Variants in RHOU observed in about 807,000 individuals in gnomAD.
RHOU encodes the protein ras homolog family member U.
RHOU carries 8 observed loss-of-function variants against 12.6 expected under a neutral mutation model. The observed-to-expected ratio is 0.64, with a 90% CI of 0.37 to 1.15. The LOEUF is 1.15. Among genes scored for constraint, RHOU ranks in the 50% most tolerant of loss-of-function variants. The pLI is 0.01. For synonymous variants in RHOU, 161 were observed against 147.4 expected (o/e 1.09, Z -0.67); for missense variants, 258 against 347.0 (o/e 0.74, Z 2.04).
the RHOU span, among the ~76,000 whole-genome samples, chr1:228,712,813 T>TAATAAATAAATA: frequency 7.0e-6 from 1 of 142,506 alleles, no homozygotes; most frequent in African/African-American, 2.6e-5. Flanking sequence ...AGTATAATAA[T>TAATAAATAAATA]AATAAATAAA....
At chr1:228,683,842 A>T in the RHOU span, among the ~76,000 whole-genome samples, 1 of 152,218 alleles carries the variant, frequency 6.6e-6, no homozygotes, top group Non-Finnish European at 1.5e-5. Flanking sequence ...TTTTGAAAAG[A>T]TCCCCGTGTC....
At chr1:228,688,604 C>A in the RHOU span, among the ~76,000 whole-genome samples, 2 of 152,196 alleles carry the variant, frequency 1.3e-5, no homozygotes, top group Admixed American at 6.5e-5. Context: ...AACCTTCCTG[C>A]TGATTTGTGT....
At chr1:228,710,873 A>C in the RHOU span, among the ~76,000 whole-genome samples, 78 of 152,104 alleles carry the variant, frequency 5.1e-4, no homozygotes, top group Admixed American at 1.6e-3. Flanking sequence ...GTCAAATTGT[A>C]CCTGTTTGCA....
chr1:228,660,185 G>T, the RHOU span, among the ~76,000 whole-genome samples: 2 of 151,558 alleles, frequency 1.3e-5, no homozygotes, highest in Non-Finnish European at 2.9e-5. Flanking sequence ...GTAAGAGAGT[G>T]CTAAGAACAA....
At chr1:228,698,563 A>T in the RHOU span, among the ~76,000 whole-genome samples, 2 of 152,370 alleles carry the variant, frequency 1.3e-5, 1 homozygote, top group Admixed American at 1.3e-4. Context: ...AGAAGAATCT[A>T]TTATACAGCC....
At chr1:228,715,022 G>A in the RHOU span, among the ~76,000 whole-genome samples, 4 of 151,884 alleles carry the variant, frequency 2.6e-5, no homozygotes, top group African/African-American at 7.2e-5. Context: ...GATTACAGGC[G>A]TGAGCCACCG....
At chr1:228,662,029 A>T in the RHOU span, among the ~76,000 whole-genome samples, 1 of 152,250 alleles carries the variant, frequency 6.6e-6, no homozygotes, top group Admixed American at 6.5e-5. Flanking sequence ...GTATATGAAC[A>T]GACACTTCTC....
chr1:228,732,469 A>AAGGCATTCTGTAAAGGGGTAAAGTGGT (rs1571886129), upstream of RHOU, among the ~76,000 whole-genome samples: 1 of 152,280 alleles, frequency 6.6e-6, no homozygotes, highest in East Asian at 1.9e-4. Flanking sequence ...GGGTAAAGTA[A>AAGGCATTCTGTAAAGGGGTAAAGTGGT]AGGCATTCTG....
At chr1:228,682,049 G>C in the RHOU span, among the ~76,000 whole-genome samples, 1 of 152,212 alleles carries the variant, frequency 6.6e-6, no homozygotes, top group African/African-American at 2.4e-5. Context: ...CCAAGGGTAG[G>C]CTGTCTTCCT....
At chr1:228,650,483 T>C in the RHOU span, 1 of 456,540 alleles carries the variant, frequency 2.2e-6, no homozygotes, top group Non-Finnish European at 4.4e-6. Flanking sequence ...GGCAGCATCC[T>C]GGTGGCCGTG....
chr1:228,660,354 TAAA>T, the RHOU span, among the ~76,000 whole-genome samples: 1 of 114,634 alleles, frequency 8.7e-6, no homozygotes, highest in African/African-American at 3.1e-5. Flanking sequence ...CCGAAAAAAA[TAAA>T]AAAAAAAAAA....
At chr1:228,713,268 G>A in the RHOU span, among the ~76,000 whole-genome samples, 156 of 152,252 alleles carry the variant, frequency 1.0e-3, no homozygotes, top group African/African-American at 3.4e-3. Context: ...AGATGCTGAA[G>A]GTTGAGTTGA....
chr1:228,688,208 C>T, the RHOU span, among the ~76,000 whole-genome samples: 1 of 152,192 alleles, frequency 6.6e-6, no homozygotes, highest in Non-Finnish European at 1.5e-5. Flanking sequence ...GGAACCAACC[C>T]TAACCTGTTA....
chr1:228,677,911 T>TA, the RHOU span, among the ~76,000 whole-genome samples: 1 of 152,146 alleles, frequency 6.6e-6, no homozygotes, highest in South Asian at 2.1e-4. Context: ...ACTGAGGAAT[T>TA]ACGTCTGACA....
chr1:228,685,994 C>G, the RHOU span, among the ~76,000 whole-genome samples: 1 of 152,116 alleles, frequency 6.6e-6, no homozygotes, highest in African/African-American at 2.4e-5. Flanking sequence ...TACACTTTGA[C>G]ATCTTATTAT....
chr1:228,690,372 C>G, the RHOU span, among the ~76,000 whole-genome samples: 234 of 151,568 alleles, frequency 1.5e-3, 4 homozygotes, highest in African/African-American at 5.4e-3. Flanking sequence ...GTTTCCCAGG[C>G]TGGAGTGCAA....
the RHOU span, among the ~76,000 whole-genome samples, chr1:228,647,371 G>C: frequency 6.6e-6 from 1 of 152,222 alleles, no homozygotes. Flanking sequence ...CGTGGTACCG[G>C]GCGCGTCCGG....
the RHOU span, among the ~76,000 whole-genome samples, chr1:228,659,967 A>AAAC: frequency 1.7e-5 from 1 of 57,894 alleles, no homozygotes; most frequent in Non-Finnish European, 3.3e-5. Context: ...AAAAAAAAAC[A>AAAC]AAAAAAAAAA....
At position 228,743,507 on chromosome 1, in the gene RHOU, C is replaced by A. The variant is rs1662766071; in HGVS notation, c.544C>A (p.Pro182Thr). Residue 182 changes from proline to threonine, a missense_variant, in exon 3 of 3, where the codon CCA becomes ACA. Physicochemically the swap from Pro to Thr is conservative, Grantham distance 38. Transcript: ENST00000366691. The surrounding 1 kb of genome is among the most constrained non-coding windows in gnomAD (Gnocchi z 5.1). Reference sequence around the variant, plus strand: ...TGAGTTGGACAAATGCAAAGAAAAGCCAGTGCCTGAAGAGGCGGCTAAGCT... The same window carrying A: ...TGAGTTGGACAAATGCAAAGAAAAGACAGTGCCTGAAGAGGCGGCTAAGCT... ...LIELDKCKEK[P>T]VPEEAAKLCA... 6.2e-7 allele frequency: 1 copy of A among 1,614,022 alleles called. No homozygotes were observed. The highest frequency in any genetic ancestry group is 8.5e-7 in the Non-Finnish European group (1 of 1,180,034).
Sources: gnomAD v4.1 joint callset for allele counts (sites outside exome capture counted in the v4.1 genomes callset) on GRCh38, gnomAD v4.1.1 for gene constraint, Gnocchi (gnomAD v3.1) non-coding constraint, MANE v1.5 for transcripts, NCBI Gene and HGNC (gene_info 2026-07-23, HGNC 2026-07-21) for gene names.